DENND1A: variants seen among roughly 807,000 people sequenced by gnomAD.
The protein encoded by DENND1A is DENN domain-containing protein 1A.
Under a neutral mutation model 113.7 loss-of-function variants are expected in DENND1A, and 51 were observed. The ratio of observed to expected loss-of-function variants is 0.45; its 90% CI spans 0.36 to 0.57. DENND1A has a LOEUF of 0.57. DENND1A is among the 20% of genes least tolerant of loss of function. The pLI, the probability that DENND1A is intolerant of heterozygous loss-of-function variation, is 0.00. For synonymous variants in DENND1A, 565 were observed against 570.8 expected, an observed-to-expected ratio of 0.99 and a Z score of 0.14; for missense variants, 1,258 against 1,395.9, an observed-to-expected ratio of 0.90 and a Z score of 1.57.
intron 5 of DENND1A, among the ~76,000 whole-genome samples, chr9:123,710,955 G>A (rs2066544715): frequency 6.6e-6 from 1 of 152,096 alleles, no homozygotes; most frequent in African/African-American, 2.4e-5. Context: ...TTACAGGCGT[G>A]AGCCACCATG....
intron 1 of DENND1A, among the ~76,000 whole-genome samples, chr9:123,891,200 T>G (rs891617938): frequency 5.9e-5 from 9 of 152,206 alleles, no homozygotes; most frequent in Admixed American, 5.9e-4. Flanking sequence ...CCAGAAGCAC[T>G]GAGCTCCTCT....
At chr9:123,888,757 C>T (rs1849466304) in intron 1 of DENND1A, among the ~76,000 whole-genome samples, 1 of 152,292 alleles carries the variant, frequency 6.6e-6, no homozygotes, top group Middle Eastern at 3.4e-3. Flanking sequence ...ATGTGTGATT[C>T]TTTTGCTGTA....
intron 9 of DENND1A, among the ~76,000 whole-genome samples, chr9:123,647,742 T>C (rs1199425891): frequency 6.6e-6 from 1 of 152,216 alleles, no homozygotes; most frequent in African/African-American, 2.4e-5. Flanking sequence ...TGCAGTTCAT[T>C]TTCATTGATC....
rs1184685769 is a variant in DENND1A, at chr9:123,630,392, G to A, written c.703C>T (p.Leu235=). Residue 235 remains leucine, a synonymous_variant, in exon 10 of 24, where the codon CTG becomes TTG. Coordinates refer to ENST00000394215, the MANE Select transcript of DENND1A (RefSeq NM_001352964.2). ...HVYIPVLPPH[L]LDYCCAPMPY... ...CCACCTTACCAGCAGTAGTCCAGCA[G>A]ATGCGGCGGCAGCACGGGGATGTAC... is the stretch of plus-strand genomic sequence containing the variant. 6.3e-7 allele frequency: 1 copy of A among 1,597,460 alleles called. No individual in the cohort carries two copies. The highest frequency in any genetic ancestry group is 8.5e-7 in the Non-Finnish European group (1 of 1,170,036).
chr9:123,432,128 A>C (rs4415389), intron 19 of DENND1A, among the ~76,000 whole-genome samples: 145,298 of 152,286 alleles, frequency 0.95, 69,630 homozygotes, highest in Non-Finnish European at 1. Flanking sequence ...CCCGAGGAGG[A>C]CACGCTGAAT....
At chr9:123,524,319 A>G (rs1251089978) in intron 13 of DENND1A, among the ~76,000 whole-genome samples, 1 of 152,246 alleles carries the variant, frequency 6.6e-6, no homozygotes, top group East Asian at 1.9e-4. Context: ...ACACAATAAA[A>G]GGATTCAAAA....
At chr9:123,925,970 C>T (rs564745890) in intron 1 of DENND1A, among the ~76,000 whole-genome samples, 3 of 152,332 alleles carry the variant, frequency 2.0e-5, no homozygotes, top group Non-Finnish European at 2.9e-5. Flanking sequence ...GAAGCAATTT[C>T]TAGGATGTCA....
intron 3 of DENND1A, among the ~76,000 whole-genome samples, chr9:123,772,591 T>C (rs1444818884): frequency 6.6e-6 from 1 of 152,188 alleles, no homozygotes; most frequent in Non-Finnish European, 1.5e-5. Flanking sequence ...GCTGATGAAA[T>C]GTAAATGACC....
At chr9:123,424,574 AGCT>A (rs1442605825) in intron 19 of DENND1A, among the ~76,000 whole-genome samples, 1 of 152,114 alleles carries the variant, frequency 6.6e-6, no homozygotes, top group African/African-American at 2.4e-5. Context: ...ACATATTCCC[AGCT>A]GCTATTTCTC....
At chr9:123,859,581 C>T (rs1417957341) in intron 2 of DENND1A, among the ~76,000 whole-genome samples, 2 of 151,900 alleles carry the variant, frequency 1.3e-5, no homozygotes, top group Admixed American at 1.3e-4. Flanking sequence ...TCCATCCATC[C>T]AAATATTCAT....
chr9:123,794,530 A>G (rs924160806), intron 2 of DENND1A, among the ~76,000 whole-genome samples: 4 of 152,220 alleles, frequency 2.6e-5, no homozygotes, highest in African/African-American at 9.6e-5. Flanking sequence ...GCCAATCGTT[A>G]CTATCATGCC....
intron 12 of DENND1A, among the ~76,000 whole-genome samples, chr9:123,580,948 A>G (rs1052635356): frequency 2.0e-5 from 3 of 152,170 alleles, no homozygotes; most frequent in African/African-American, 4.8e-5. Context: ...ACAGGATTTC[A>G]GGCAAGGCAC....
intron 13 of DENND1A, among the ~76,000 whole-genome samples, chr9:123,499,401 A>C (rs1350977083): frequency 1.3e-5 from 2 of 152,246 alleles, no homozygotes; most frequent in African/African-American, 4.8e-5. Flanking sequence ...AGAATATCAT[A>C]AAGGGTTGTG....
intron 1 of DENND1A, among the ~76,000 whole-genome samples, chr9:123,881,764 T>C (rs536469709): frequency 6.6e-6 from 1 of 152,332 alleles, no homozygotes; most frequent in East Asian, 1.9e-4. Flanking sequence ...TATATACTCA[T>C]TGTTTCTGCT....
chr9:123,568,372 G>C (rs1201347967), intron 12 of DENND1A, among the ~76,000 whole-genome samples: 1 of 152,178 alleles, frequency 6.6e-6, no homozygotes, highest in Non-Finnish European at 1.5e-5. Flanking sequence ...TAAATGTCAA[G>C]ATTTTCAAAT....
intron 5 of DENND1A, among the ~76,000 whole-genome samples, chr9:123,709,351 C>T (rs879440037): frequency 2.0e-5 from 3 of 152,158 alleles, no homozygotes; most frequent in Non-Finnish European, 4.4e-5. Flanking sequence ...ATAGAATTCT[C>T]GTAATGATCA....
intron 2 of DENND1A, among the ~76,000 whole-genome samples, chr9:123,818,500 G>A: frequency 7.8e-6 from 1 of 128,622 alleles, no homozygotes; most frequent in African/African-American, 2.9e-5. Flanking sequence ...TGGAATATTG[G>A]CATATATATA....
intron 2 of DENND1A, among the ~76,000 whole-genome samples, chr9:123,795,879 T>C (rs917922771): frequency 6.6e-6 from 1 of 152,184 alleles, no homozygotes; most frequent in African/African-American, 2.4e-5. Flanking sequence ...ATAATTTGCT[T>C]AGGCGATTGG....
intron 1 of DENND1A, 51 bp downstream of exon 1, chr9:123,929,838 G>C (rs1336921539): frequency 8.7e-6 from 2 of 228,814 alleles, no homozygotes; most frequent in South Asian, 2.5e-4. Flanking sequence ...CCCTGGCCCG[G>C]CCTCGCCGCC....
Sources: gnomAD v4.1 joint callset for allele counts (sites outside exome capture counted in the v4.1 genomes callset) on GRCh38, gnomAD v4.1.1 for gene constraint, MANE v1.5 for transcripts, NCBI Gene and HGNC (gene_info 2026-07-23, HGNC 2026-07-21) for gene names.